The following TTL variants were observed in gnomAD, a reference collection of about 807,000 sequenced individuals.
TTL encodes tubulin tyrosine ligase.
TTL carries 10 observed loss-of-function variants against 41.1 expected under a neutral mutation model. The ratio of observed to expected loss-of-function variants is 0.24; its 90% CI spans 0.15 to 0.41. The LOEUF (loss-of-function observed/expected upper bound fraction) is 0.41, where lower values mean the gene tolerates loss of function less well. TTL is among the 10% of genes least tolerant of loss of function. The pLI is 1.00. For synonymous variants in TTL, 175 were observed against 175.5 expected, an observed-to-expected ratio of 1.00 and a Z score of 0.02; for missense variants, 367 against 460.4, an observed-to-expected ratio of 0.80 and a Z score of 1.86.
intron 2 of TTL, among the ~76,000 whole-genome samples, chr2:112,488,888 A>G (rs1486783935): frequency 1.3e-5 from 2 of 152,134 alleles, no homozygotes; most frequent in African/African-American, 4.8e-5. Flanking sequence ...AGAGATTGAG[A>G]CCATCCTGGC....
At chr2:112,522,776 C>T (rs192927901) in intron 6 of TTL, among the ~76,000 whole-genome samples, 2 of 152,320 alleles carry the variant, frequency 1.3e-5, no homozygotes, top group Admixed American at 6.5e-5. Context: ...TTCCCTTCCC[C>T]TCAAGTCCTG....
At chr2:112,501,396 G>A in intron 4 of TTL, 55 bp downstream of exon 4, 1 of 1,455,964 alleles carries the variant, frequency 6.9e-7, no homozygotes. Context: ...AAACTGCCAT[G>A]GTATGTGGTG....
Position 112,535,846 on chromosome 2 carries a change from C to T in TTL, c.*7051C>T, listed in dbSNP as rs1327089514. The T allele has an allele frequency of 6.6e-6, 1 of 152,044 alleles. No homozygotes were observed. The highest frequency in any genetic ancestry group is 2.4e-5 in the African/African-American group (1 of 41,362). The allele number at this position is 152,044 out of a possible 1,614,324, so 9.4% of individuals were successfully genotyped here. A position where few individuals can be genotyped will look rare whatever the true frequency, so the allele number is the denominator to read the frequency against. Reference sequence around the variant, plus strand: ...TAGAGACAGAGTCTTGCTCTGTTGCCTAGGTTGGAGTCTAGTGGTGTAATG... The same window carrying T: ...TAGAGACAGAGTCTTGCTCTGTTGCTTAGGTTGGAGTCTAGTGGTGTAATG... On this transcript the variant is annotated 3_prime_UTR_variant, in exon 7 of 7. Coordinates refer to ENST00000233336, the MANE Select transcript of TTL (RefSeq NM_153712.5).
chr2:112,497,109 C>A (rs572455584), intron 3 of TTL, among the ~76,000 whole-genome samples: 1 of 151,794 alleles, frequency 6.6e-6, no homozygotes, highest in East Asian at 1.9e-4. Flanking sequence ...CGTGAGCCAC[C>A]GTGCCCGGGC....
intron 6 of TTL, among the ~76,000 whole-genome samples, chr2:112,525,272 G>A (rs1487112674): frequency 6.6e-6 from 1 of 152,032 alleles, no homozygotes; most frequent in Non-Finnish European, 1.5e-5. Context: ...TTGGCAATGC[G>A]GGCTCTTTTT....
At position 112,530,534 on chromosome 2, in the gene TTL, T is replaced by A. The variant is rs1682481498; in HGVS notation, c.*1739T>A. 1 of 229,192 alleles carries A rather than the reference T, an allele frequency of 4.4e-6. No homozygotes were observed. Among genetic ancestry groups the A allele is most frequent in the East Asian group, 6.2e-5 (1 of 16,160 alleles). The allele number at this position is 229,192 out of a possible 1,614,324, so 14.2% of individuals were successfully genotyped here. A position where few individuals can be genotyped will look rare whatever the true frequency, so the allele number is the denominator to read the frequency against. ...GGGAAATTCTGAGATGGGAGTGAGA[T>A]CTGATCGGATCCTGGGAAGATGTAT... is the stretch of plus-strand genomic sequence containing the variant. On this transcript the variant is annotated 3_prime_UTR_variant, in exon 7 of 7. Coordinates refer to ENST00000233336, the MANE Select transcript of TTL (RefSeq NM_153712.5).
At chr2:112,510,399 G>A (rs929526131) in intron 5 of TTL, among the ~76,000 whole-genome samples, 1 of 152,178 alleles carries the variant, frequency 6.6e-6, no homozygotes, top group African/African-American at 2.4e-5. Flanking sequence ...AGAGTGCTGG[G>A]ATTATAGGTG....
At chr2:112,525,559 A>G (rs935382439) in intron 6 of TTL, among the ~76,000 whole-genome samples, 1 of 152,154 alleles carries the variant, frequency 6.6e-6, no homozygotes, top group Non-Finnish European at 1.5e-5. Context: ...GCAGTTGTGA[A>G]TGGGAGTTCA....
intron 2 of TTL, among the ~76,000 whole-genome samples, chr2:112,487,626 C>T (rs1559009725): frequency 6.6e-6 from 1 of 152,206 alleles, no homozygotes; most frequent in Admixed American, 6.5e-5. Flanking sequence ...GAGAGCACCA[C>T]TCAGAATCCC....
chr2:112,516,006 C>T (rs1222782722), intron 5 of TTL, among the ~76,000 whole-genome samples: 2 of 149,940 alleles, frequency 1.3e-5, no homozygotes, highest in African/African-American at 5.0e-5. Flanking sequence ...AAATGCCCTG[C>T]CAAAGACAGC....
In TTL at chr2:112,496,665, CTGTGTGTGTGTG is replaced by C. The variant is rs10635241; in HGVS notation, c.469+2322_469+2333del. Among the ~76,000 whole-genome samples the C allele has an allele frequency of 7.0e-3, 740 of 106,056 alleles. 4 individuals carry two copies. Among genetic ancestry groups the C allele is most frequent in the Middle Eastern group, 0.052 (7 of 134 alleles). 69.6% of individuals were successfully genotyped at this position (106,056 alleles called of 152,430 possible). On this transcript the variant is annotated intron_variant, in intron 3 of 6. Transcript: ENST00000233336. ...TTTTTTATTTTATATATATATGTGT[CTGTGTGTGTGTG>C]TGTGTGTGTGTGTGTGTGTGTGTGT... is the stretch of plus-strand genomic sequence containing the variant.
chr2:112,496,747 G>T (rs1200518038), intron 3 of TTL, among the ~76,000 whole-genome samples: 3 of 125,842 alleles, frequency 2.4e-5, no homozygotes, highest in Non-Finnish European at 3.2e-5. Flanking sequence ...TCACTTTGTT[G>T]CCCAGGCTGG....
Position 112,529,618 on chromosome 2 carries a change from T to G in TTL, c.*823T>G. ...ATGCAGTTTTGCCTAGTTCCCTTTT[T>G]TTTTCTTTTTTTACTTTTTTTTAAA... On this transcript the variant is annotated 3_prime_UTR_variant, in exon 7 of 7. Transcript: ENST00000233336. The G allele has an allele frequency of 4.4e-6, 1 of 228,332 alleles. No homozygotes were observed. Among genetic ancestry groups the G allele is most frequent in the East Asian group, 6.3e-5 (1 of 15,862 alleles). The allele number at this position is 228,332 out of a possible 1,614,324, so 14.1% of individuals were successfully genotyped here. A position where few individuals can be genotyped will look rare whatever the true frequency, so the allele number is the denominator to read the frequency against.
chr2:112,500,741 G>C, intron 3 of TTL, among the ~76,000 whole-genome samples: 1 of 152,210 alleles, frequency 6.6e-6, no homozygotes, highest in East Asian at 1.9e-4. Flanking sequence ...AATGTTAATG[G>C]ACAATTCCAA....
chr2:112,490,291 G>A lies in TTL; in HGVS notation c.237-3852G>A, dbSNP rs184310910. Reference sequence around the variant, plus strand: ...AAATTAGCTGGGCATGGTGGTGTGCGCCTGTAATCCCAGCTACTTGGGAGG... The same window carrying A: ...AAATTAGCTGGGCATGGTGGTGTGCACCTGTAATCCCAGCTACTTGGGAGG... On this transcript the variant is annotated intron_variant, in intron 2 of 6. Transcript: ENST00000233336. Among the ~76,000 whole-genome samples, 1,106 of 152,086 alleles carry A rather than the reference G, an allele frequency of 7.3e-3. 12 individuals carry two copies. The highest frequency in any genetic ancestry group is 0.025 in the African/African-American group (1,045 of 41,484).
intron 5 of TTL, among the ~76,000 whole-genome samples, chr2:112,517,178 A>G (rs1032057000): frequency 1.0e-4 from 15 of 143,866 alleles, no homozygotes; most frequent in African/African-American, 3.8e-4. Context: ...AAAAAAAAAA[A>G]ATTAGTTTTG....
rs1338625740 is a variant in TTL, at chr2:112,482,299, G to C, written c.-46G>C. ...GCTGAGCCGCCTTCTCGGCCGCCTG[G>C]TCCCTGCGGCGGCTGCCCGGCGGCC... On this transcript the variant is annotated 5_prime_UTR_variant, in exon 1 of 7. Coordinates refer to ENST00000233336, the MANE Select transcript of TTL (RefSeq NM_153712.5). The surrounding 1 kb of genome is among the most constrained non-coding windows in gnomAD (Gnocchi z 5.3). 2.9e-6 allele frequency: 4 copies of C among 1,385,048 alleles called. No homozygotes were observed. The highest frequency in any genetic ancestry group is 3.8e-6 in the Non-Finnish European group (4 of 1,051,966). The allele number at this position is 1,385,048 out of a possible 1,614,324, so 85.8% of individuals were successfully genotyped here.
At chr2:112,521,384 A>G (rs1296378295) in intron 6 of TTL, 1 of 984,630 alleles carries the variant, frequency 1.0e-6, no homozygotes, top group East Asian at 1.1e-4. Flanking sequence ...TGTCAGGGAA[A>G]GTCACTCGGA....
At chr2:112,502,427 A>C (rs1681727582) in intron 4 of TTL, among the ~76,000 whole-genome samples, 1 of 152,038 alleles carries the variant, frequency 6.6e-6, no homozygotes, top group Admixed American at 6.6e-5. Context: ...ACCTGATGTC[A>C]GTATTTTGAG....
Sources: gnomAD v4.1 joint callset for allele counts (sites outside exome capture counted in the v4.1 genomes callset) on GRCh38, gnomAD v4.1.1 for gene constraint, Gnocchi (gnomAD v3.1) non-coding constraint, MANE v1.5 for transcripts, NCBI Gene and HGNC (gene_info 2026-07-23, HGNC 2026-07-21) for gene names.